Variants in DHX33 observed in about 807,000 individuals in gnomAD.
DHX33 encodes ATP-dependent RNA helicase DHX33.
In DHX33, 42 loss-of-function variants were observed where a neutral mutation model predicts 72.5. The ratio of observed to expected loss-of-function variants is 0.58; its 90% CI spans 0.45 to 0.75. The LOEUF is 0.75. Among genes scored for constraint, DHX33 ranks in the 30% least tolerant of loss-of-function variants. The pLI is 0.00. For missense variants in DHX33, 842 were observed against 917.5 expected, an observed-to-expected ratio of 0.92 and a Z score of 1.06; for synonymous variants, 358 against 366.1, an observed-to-expected ratio of 0.98 and a Z score of 0.25.
rs1474686750 is a variant in DHX33, at chr17:5,441,201, C to CAGTA, written c.*3000_*3003dup. 6.6e-6 allele frequency: 1 copy of CAGTA among 152,018 alleles called. No homozygotes were observed. The highest frequency in any genetic ancestry group is 2.4e-5 in the African/African-American group (1 of 41,358). 9.4% of individuals were successfully genotyped at this position (152,018 alleles called of 1,614,324 possible). On this transcript the variant is annotated 3_prime_UTR_variant, in exon 12 of 12. Transcript: ENST00000225296. ...TTTAGTGGATTTATATATGACAGTA[C>CAGTA]AGTACATCATCAGTTTCACCCACAG...
intron 5 of DHX33, among the ~76,000 whole-genome samples, chr17:5,455,547 A>G (rs533716667): frequency 6.6e-6 from 1 of 152,326 alleles, no homozygotes; most frequent in East Asian, 1.9e-4. Context: ...TGGCCCTGCC[A>G]GTGACTTACT....
At position 5,441,912 on chromosome 17, in the gene DHX33, TC is replaced by T. The variant is rs2151679625; in HGVS notation, c.*2292del. 1 of 152,318 alleles carries T rather than the reference TC, an allele frequency of 6.6e-6. No homozygotes were observed. The highest frequency in any genetic ancestry group is 2.4e-5 in the African/African-American group (1 of 41,566). The allele number at this position is 152,318 out of a possible 1,614,324, so 9.4% of individuals were successfully genotyped here. On this transcript the variant is annotated 3_prime_UTR_variant, in exon 12 of 12. Coordinates refer to ENST00000225296, the MANE Select transcript of DHX33 (RefSeq NM_020162.4). ...TTTTCTTTCTTTCTTTCTTTTTTTT[TC>T]TGAGACCGTCTCACACTGTCGGCCA...
At chr17:5,465,751 T>G (rs1224243429) in intron 1 of DHX33, among the ~76,000 whole-genome samples, 2 of 152,196 alleles carry the variant, frequency 1.3e-5, no homozygotes, top group Non-Finnish European at 2.9e-5. Flanking sequence ...CGATCTTTTT[T>G]CTTGTTTTTG....
At chr17:5,468,521 C>A (rs764570815) in intron 1 of DHX33, 50 bp downstream of exon 1, 16 of 1,575,380 alleles carry the variant, frequency 1.0e-5, no homozygotes, top group Non-Finnish European at 1.4e-5. Context: ...ACTGCTCTAG[C>A]TAAGCCACGG....
intron 3 of DHX33, among the ~76,000 whole-genome samples, chr17:5,461,545 G>C (rs1904621178): frequency 6.6e-6 from 1 of 151,322 alleles, no homozygotes; most frequent in Non-Finnish European, 1.5e-5. Context: ...GTGAACCTGG[G>C]AGGCGGAGCT....
rs767753802 is a variant in DHX33, at chr17:5,445,737, G to A, written c.1816-1224C>T. ...CCATGCAGAGAAATCACTTCCATGCGGAGGTAAAGGTGAGAAAAGGGAAGG... is the reference window on the plus strand; with the variant it reads ...CCATGCAGAGAAATCACTTCCATGCAGAGGTAAAGGTGAGAAAAGGGAAGG... On this transcript the variant is annotated intron_variant, in intron 11 of 11. Coordinates refer to ENST00000225296, the MANE Select transcript of DHX33 (RefSeq NM_020162.4). 2.6e-5 allele frequency among the ~76,000 whole-genome samples: 4 copies of A among 152,278 alleles called. 1 individual carries two copies. The highest frequency in any genetic ancestry group is 1.5e-5 in the Non-Finnish European group (1 of 68,018).
In DHX33 at chr17:5,444,749, G is replaced by A. The variant is rs1285115362; in HGVS notation, c.1816-236C>T. ...GGGAAACTACCGCCTGTGAAGGTAG[G>A]GCTGGGAGGGAGGTGCTCACATTAG... On this transcript the variant is annotated intron_variant, in intron 11 of 11. Transcript: ENST00000225296. The surrounding 1 kb of genome is among the most constrained non-coding windows in gnomAD (Gnocchi z 4.9). Among the ~76,000 whole-genome samples the A allele has an allele frequency of 6.6e-6, 1 of 152,198 alleles. No individual in the cohort carries two copies. Among genetic ancestry groups the A allele is most frequent in the East Asian group, 1.9e-4 (1 of 5,194 alleles).
At chr17:5,452,432 C>T (rs761440119) in intron 8 of DHX33, among the ~76,000 whole-genome samples, 52 of 152,086 alleles carry the variant, frequency 3.4e-4, no homozygotes, top group Admixed American at 3.3e-3. Flanking sequence ...CCTAGCTACT[C>T]GGGAGGCTGA....
chr17:5,450,694 A>C (rs1270073182), intron 9 of DHX33, 113 bp downstream of exon 9: 1 of 1,459,406 alleles, frequency 6.9e-7, no homozygotes, highest in Non-Finnish European at 9.3e-7. Flanking sequence ...AGGGGTTGGT[A>C]ATTATGTAAG....
In DHX33 at chr17:5,442,526, C is replaced by T. The variant is rs1233086041; in HGVS notation, c.*1679G>A. ...CATTTCTGACAGACAGCCCTAAACA[C>T]TAGCTGAGAGCTTGACTGCACAGGA... On this transcript the variant is annotated 3_prime_UTR_variant, in exon 12 of 12. Transcript: ENST00000225296. 3.3e-5 allele frequency: 5 copies of T among 152,104 alleles called. No individual in the cohort carries two copies. The highest frequency in any genetic ancestry group is 7.3e-5 in the Non-Finnish European group (5 of 68,036). 9.4% of individuals were successfully genotyped at this position (152,104 alleles called of 1,614,324 possible).
chr17:5,457,606 CAAA>C (rs55832565), intron 4 of DHX33, among the ~76,000 whole-genome samples: 2 of 95,858 alleles, frequency 2.1e-5, no homozygotes, highest in African/African-American at 3.4e-5. Context: ...GACTCCATCT[CAAA>C]AAAAAAAAAA....
chr17:5,453,806 G>A lies in DHX33; in HGVS notation c.1307+15C>T. 6.2e-7 allele frequency: 1 copy of A among 1,613,746 alleles called. No individual in the cohort carries two copies. Among genetic ancestry groups the A allele is most frequent in the Non-Finnish European group, 8.5e-7 (1 of 1,179,810 alleles). On this transcript the variant is annotated intron_variant, in intron 7 of 11. Transcript: ENST00000225296. ...GGTGACAAACAGCAGCAGTGCAGGA[G>A]CAACTGGTGCCTACCTCTGGATCTC...
intron 4 of DHX33, among the ~76,000 whole-genome samples, chr17:5,460,006 A>G (rs2151689963): frequency 6.9e-6 from 1 of 145,540 alleles, no homozygotes; most frequent in South Asian, 2.1e-4. Context: ...GTTGCAAAAG[A>G]AAAAGTACCT....
At chr17:5,457,055 T>C (rs1005396956) in intron 4 of DHX33, among the ~76,000 whole-genome samples, 1 of 152,152 alleles carries the variant, frequency 6.6e-6, no homozygotes, top group Non-Finnish European at 1.5e-5. Flanking sequence ...TGTAAAGTGC[T>C]TAACACTTTG....
intron 3 of DHX33, 57 bp downstream of exon 3, chr17:5,462,262 T>TA: frequency 6.5e-7 from 1 of 1,530,284 alleles, no homozygotes; most frequent in Non-Finnish European, 9.0e-7. Context: ...TTCTGTGTGT[T>TA]ACGCATACTT....
chr17:5,460,798 C>G (rs983367944), intron 4 of DHX33, 141 bp downstream of exon 4: 1 of 1,028,876 alleles, frequency 9.7e-7, no homozygotes, highest in Non-Finnish European at 1.4e-6. Flanking sequence ...TGAGCCACCG[C>G]ACCTGGCCTC....
At chr17:5,454,071 C>T in intron 6 of DHX33, 91 bp from the exon 7 acceptor site, 1 of 1,453,236 alleles carries the variant, frequency 6.9e-7, no homozygotes, top group Non-Finnish European at 9.3e-7. Flanking sequence ...GTGGTTCTTT[C>T]AGCAACACGG....
chr17:5,446,112 T>C (rs1916650532), intron 11 of DHX33, among the ~76,000 whole-genome samples: 1 of 152,080 alleles, frequency 6.6e-6, no homozygotes, highest in African/African-American at 2.4e-5. Flanking sequence ...GTAGCTGGGG[T>C]TATAGGCATG....
In DHX33 at chr17:5,456,184, T is replaced by C; in HGVS notation, c.850-2A>G. The C allele has an allele frequency of 1.2e-6, 2 of 1,612,994 alleles. No homozygotes were observed. Among genetic ancestry groups the C allele is most frequent in the East Asian group, 2.2e-5 (1 of 44,868 alleles). ...GATGTCCTGTGAAGAAGGGGCTTCC[T>C]GTAAAAAAAGTAGAGTGGGTTTACT... On this transcript the variant is annotated splice_acceptor_variant, in intron 4 of 11. Transcript: ENST00000225296. LOFTEE classifies it high-confidence loss of function.
Sources: gnomAD v4.1 joint callset for allele counts (sites outside exome capture counted in the v4.1 genomes callset) on GRCh38, gnomAD v4.1.1 for gene constraint, Gnocchi (gnomAD v3.1) non-coding constraint, MANE v1.5 for transcripts, NCBI Gene and HGNC (gene_info 2026-07-23, HGNC 2026-07-21) for gene names.